Variants in CACHD1 observed in about 807,000 individuals in gnomAD.
CACHD1 encodes VWFA and cache domain-containing protein 1.
A neutral mutation model predicts 138.7 loss-of-function variants in CACHD1; 71 were observed. That is an observed-to-expected ratio of 0.51 (90% CI 0.42 to 0.62). The LOEUF is 0.62. Ranked by LOEUF, CACHD1 falls within the 20% of genes least tolerant of loss-of-function variation. CACHD1 has a pLI of 0.00. For missense variants in CACHD1, 1,389 were observed against 1,625.3 expected, an observed-to-expected ratio of 0.85 and a Z score of 2.50; for synonymous variants, 578 against 591.5, an observed-to-expected ratio of 0.98 and a Z score of 0.33.
In CACHD1 at chr1:64,515,524, T is replaced by C. The variant is rs114982928; in HGVS notation, c.199-35070T>C. Among the ~76,000 whole-genome samples, 1,215 of 152,320 alleles carry C rather than the reference T, an allele frequency of 8.0e-3. 18 individuals are homozygous for C. The highest frequency in any genetic ancestry group is 0.028 in the African/African-American group (1,156 of 41,566). ...TGCAAATTCAAAGTATCTCAAAGCA[T>C]TTTTTCCCTTCTTAAATCATTTTGA... On this transcript the variant is annotated intron_variant, in intron 1 of 26. Transcript: ENST00000651257.
chr1:64,641,061 C>CT (rs902122338), intron 7 of CACHD1, among the ~76,000 whole-genome samples: 5 of 151,748 alleles, frequency 3.3e-5, no homozygotes, highest in African/African-American at 7.3e-5. Flanking sequence ...GTTGTAGTTT[C>CT]TTTTTTTTCT....
chr1:64,534,209 A>G (rs1365840893), intron 1 of CACHD1, among the ~76,000 whole-genome samples: 1 of 151,700 alleles, frequency 6.6e-6, no homozygotes, highest in Non-Finnish European at 1.5e-5. Context: ...ATGCCCAGCT[A>G]ATTTTTGTAC....
chr1:64,654,182 A>G (rs772595923), intron 11 of CACHD1, among the ~76,000 whole-genome samples: 1 of 152,204 alleles, frequency 6.6e-6, no homozygotes, highest in Non-Finnish European at 1.5e-5. Flanking sequence ...AAAAGTTCCA[A>G]TGATACCAAA....
intron 13 of CACHD1, among the ~76,000 whole-genome samples, chr1:64,660,173 T>C: frequency 6.6e-6 from 1 of 152,220 alleles, no homozygotes; most frequent in East Asian, 1.9e-4. Flanking sequence ...TAGAAGCCTC[T>C]TTTAAGTTCT....
chr1:64,512,023 A>G (rs940802315), intron 1 of CACHD1, among the ~76,000 whole-genome samples: 1 of 152,206 alleles, frequency 6.6e-6, no homozygotes, highest in East Asian at 1.9e-4. Flanking sequence ...ATTATTTTCC[A>G]TAACTCTATG....
intron 6 of CACHD1, 130 bp downstream of exon 6, chr1:64,632,873 A>G: frequency 1.8e-6 from 2 of 1,125,860 alleles, no homozygotes; most frequent in Middle Eastern, 2.9e-4. Context: ...TAAATCCATC[A>G]TAAGTTGAAA....
chr1:64,657,705 TCTAACCTGC>T (rs1649312415), intron 12 of CACHD1, among the ~76,000 whole-genome samples: 1 of 152,214 alleles, frequency 6.6e-6, no homozygotes, highest in Non-Finnish European at 1.5e-5. Context: ...TTCACTTAAC[TCTAACCTGC>T]CTAGTTAAAA....
chr1:64,472,783 G>T (rs932462855), intron 1 of CACHD1, among the ~76,000 whole-genome samples: 1 of 152,272 alleles, frequency 6.6e-6, no homozygotes, highest in Non-Finnish European at 1.5e-5. Context: ...GACTCTGCTT[G>T]TAGGATTTGT....
intron 2 of CACHD1, among the ~76,000 whole-genome samples, chr1:64,566,678 T>C (rs1244572270): frequency 6.6e-6 from 1 of 151,610 alleles, no homozygotes; most frequent in African/African-American, 2.4e-5. Context: ...GGAATGAGGC[T>C]TTTTTTTAAA....
intron 2 of CACHD1, among the ~76,000 whole-genome samples, chr1:64,575,985 A>G (rs1177749299): frequency 6.6e-6 from 1 of 152,220 alleles, no homozygotes; most frequent in African/African-American, 2.4e-5. Context: ...GTTGTGATGA[A>G]ACGTTGTCAC....
chr1:64,504,889 G>A (rs543979603), intron 1 of CACHD1, among the ~76,000 whole-genome samples: 2 of 152,116 alleles, frequency 1.3e-5, no homozygotes, highest in African/African-American at 2.4e-5. Flanking sequence ...TTGTGAAGAC[G>A]GTGCGAGGAT....
chr1:64,489,459 G>T (rs1570299669), intron 1 of CACHD1, among the ~76,000 whole-genome samples: 1 of 152,290 alleles, frequency 6.6e-6, no homozygotes, highest in Non-Finnish European at 1.5e-5. Context: ...GGATTTCAAA[G>T]CTCGTTTCAG....
At chr1:64,521,157 T>C (rs564064116) in intron 1 of CACHD1, among the ~76,000 whole-genome samples, 1 of 152,292 alleles carries the variant, frequency 6.6e-6, no homozygotes, top group East Asian at 1.9e-4. Flanking sequence ...GCTCACTGGT[T>C]GTAGATAAGA....
intron 2 of CACHD1, among the ~76,000 whole-genome samples, chr1:64,558,524 C>A (rs1164997733): frequency 6.6e-6 from 1 of 152,150 alleles, no homozygotes; most frequent in Non-Finnish European, 1.5e-5. Context: ...CTTGATAAAA[C>A]CAGTTTGGCT....
At chr1:64,544,373 G>C (rs1646702050) in intron 1 of CACHD1, among the ~76,000 whole-genome samples, 1 of 152,142 alleles carries the variant, frequency 6.6e-6, no homozygotes, top group Non-Finnish European at 1.5e-5. Flanking sequence ...CGTGAAGGTT[G>C]GGCCAACTGT....
chr1:64,571,761 AT>A (rs1180144246), intron 2 of CACHD1, among the ~76,000 whole-genome samples: 17 of 152,186 alleles, frequency 1.1e-4, no homozygotes, highest in African/African-American at 3.9e-4. Flanking sequence ...TTCGTCCTTC[AT>A]TTATGCAGCA....
chr1:64,503,346 G>A lies in CACHD1; in HGVS notation c.198+32404G>A, dbSNP rs536729767. ...GGGGAAAAATCTAAAATCTGTCAAA[G>A]CACTGGTTTACTTTAGAGAAAATAC... On this transcript the variant is annotated intron_variant, in intron 1 of 26. Coordinates refer to ENST00000651257, the MANE Select transcript of CACHD1 (RefSeq NM_020925.4). Among the ~76,000 whole-genome samples, 6 of 152,286 alleles carry A rather than the reference G, an allele frequency of 3.9e-5. No homozygotes were observed. The East Asian group carries it at 5.8e-4, about 15-fold the overall frequency.
chr1:64,542,507 G>A (rs1404019732), intron 1 of CACHD1, among the ~76,000 whole-genome samples: 3 of 152,162 alleles, frequency 2.0e-5, no homozygotes, highest in Admixed American at 6.5e-5. Context: ...TCTTGAGGTG[G>A]TGTAGAGTCT....
At chr1:64,509,917 T>C (rs1474511355) in intron 1 of CACHD1, among the ~76,000 whole-genome samples, 1 of 150,754 alleles carries the variant, frequency 6.6e-6, no homozygotes, top group African/African-American at 2.4e-5. Flanking sequence ...ATAATACCTT[T>C]CAGAAAAACA....
Sources: gnomAD v4.1 joint callset for allele counts (sites outside exome capture counted in the v4.1 genomes callset) on GRCh38, gnomAD v4.1.1 for gene constraint, MANE v1.5 for transcripts, NCBI Gene and HGNC (gene_info 2026-07-23, HGNC 2026-07-21) for gene names.